The following FARP1 variants were observed in gnomAD, a reference collection of about 807,000 sequenced individuals.
FARP1 encodes the protein FERM, ARH/RhoGEF and pleckstrin domain protein 1.
FARP1 carries 52 observed loss-of-function variants against 128.8 expected under a neutral mutation model. The ratio of observed to expected loss-of-function variants is 0.40; its 90% CI spans 0.32 to 0.51. The LOEUF is 0.51. Ranked by LOEUF, FARP1 falls within the 20% of genes least tolerant of loss-of-function variation. The probability of loss-of-function intolerance (pLI) is 0.45; values close to 1 mark genes in which losing one functional copy is unlikely to be tolerated. For missense variants in FARP1, 1,333 were observed against 1,367.9 expected, an observed-to-expected ratio of 0.97 and a Z score of 0.40; for synonymous variants, 580 against 551.8, an observed-to-expected ratio of 1.05 and a Z score of -0.72.
At chr13:98,426,705 A>G (rs916763654) in intron 17 of FARP1, among the ~76,000 whole-genome samples, 2 of 152,190 alleles carry the variant, frequency 1.3e-5, no homozygotes, top group African/African-American at 4.8e-5. Context: ...ATTTGAGGCA[A>G]TACCAGAGAG....
chr13:98,363,763 A>T lies in FARP1; in HGVS notation c.277-1632A>T, dbSNP rs188640871. Among the ~76,000 whole-genome samples the T allele has an allele frequency of 3.7e-3, 563 of 151,882 alleles. 2 individuals are homozygous for T. Among genetic ancestry groups the T allele is most frequent in the Non-Finnish European group, 4.2e-3 (288 of 68,008 alleles). The stretch of plus-strand genomic sequence containing the variant: ...TTATTTATTTCTTTCTTTTTTCAAG[A>T]CAGAGTCTCGCTCTGTCCCCCAGGC... On this transcript the variant is annotated intron_variant, in intron 3 of 26. Coordinates refer to ENST00000319562, the MANE Select transcript of FARP1 (RefSeq NM_005766.4).
intron 2 of FARP1, among the ~76,000 whole-genome samples, chr13:98,339,845 G>A (rs189312264): frequency 1.1e-4 from 17 of 152,312 alleles, no homozygotes; most frequent in Non-Finnish European, 2.4e-4. Context: ...AATGCAGCTA[G>A]TTAATCATCA....
chr13:98,202,707 C>T (rs1880026153), intron 1 of FARP1, among the ~76,000 whole-genome samples: 2 of 151,822 alleles, frequency 1.3e-5, no homozygotes, highest in African/African-American at 4.8e-5. Flanking sequence ...GAAACATAGT[C>T]TTCTTAATTA....
At chr13:98,163,487 C>T (rs1251064534) in intron 1 of FARP1, among the ~76,000 whole-genome samples, 1 of 151,874 alleles carries the variant, frequency 6.6e-6, no homozygotes, top group Non-Finnish European at 1.5e-5. Context: ...TGCCCCTCCC[C>T]TTCAAATCCC....
intron 4 of FARP1, among the ~76,000 whole-genome samples, chr13:98,366,035 T>A (rs1445989839): frequency 6.6e-6 from 1 of 152,110 alleles, no homozygotes; most frequent in Admixed American, 6.5e-5. Context: ...GAATGCTTCC[T>A]TTTTCTCTCT....
chr13:98,415,422 T>G (rs7984243), intron 16 of FARP1, among the ~76,000 whole-genome samples: 22,772 of 152,152 alleles, frequency 0.15, 2,618 homozygotes, highest in East Asian at 0.31. Flanking sequence ...AAGCAATGCA[T>G]GAAGGAATAT....
intron 2 of FARP1, among the ~76,000 whole-genome samples, chr13:98,247,251 T>G (rs1166046999): frequency 6.6e-6 from 1 of 152,032 alleles, no homozygotes; most frequent in Non-Finnish European, 1.5e-5. Context: ...AAAAAAAAAG[T>G]AGCTGTTCCT....
At chr13:98,396,688 G>A (rs1281964440) in intron 13 of FARP1, 1 of 391,492 alleles carries the variant, frequency 2.6e-6, no homozygotes, top group African/African-American at 2.1e-5. Flanking sequence ...TAAGTGGCTT[G>A]CTTTCCAGAA....
In FARP1 at chr13:98,198,119, ATCTC is replaced by A. The variant is rs1043231636; in HGVS notation, c.-23-15097_-23-15094del. On this transcript the variant is annotated intron_variant, in intron 1 of 26. Transcript: ENST00000319562. Reference sequence around the variant, plus strand: ...TCTCCTGAACTCAAGGAGGCAAGTTATCTCTCTGATAAGGACCTCAGCAATCAGC... The same window carrying A: ...TCTCCTGAACTCAAGGAGGCAAGTTATCTGATAAGGACCTCAGCAATCAGC... Among the ~76,000 whole-genome samples, 80 of 152,310 alleles carry A rather than the reference ATCTC, an allele frequency of 5.3e-4. 2 individuals carry two copies. The highest frequency in any genetic ancestry group is 1.8e-3 in the African/African-American group (74 of 41,566).
intron 2 of FARP1, among the ~76,000 whole-genome samples, chr13:98,272,285 C>A (rs1183453678): frequency 6.6e-6 from 1 of 152,198 alleles, no homozygotes; most frequent in Non-Finnish European, 1.5e-5. Context: ...CCACCTCACC[C>A]TCCCAAAGTG....
intron 3 of FARP1, among the ~76,000 whole-genome samples, chr13:98,358,388 T>C (rs1888725519): frequency 6.6e-6 from 1 of 152,092 alleles, no homozygotes; most frequent in Non-Finnish European, 1.5e-5. Flanking sequence ...GTGTACCATG[T>C]TTTCAGATCT....
intron 2 of FARP1, among the ~76,000 whole-genome samples, chr13:98,301,597 T>G (rs1885927513): frequency 6.6e-6 from 1 of 152,208 alleles, no homozygotes; most frequent in South Asian, 2.1e-4. Context: ...TGTTGAAAGC[T>G]CAGCGTTTTC....
At chr13:98,418,282 GT>G (rs561100341) in intron 16 of FARP1, among the ~76,000 whole-genome samples, 8 of 141,368 alleles carry the variant, frequency 5.7e-5, no homozygotes, top group Admixed American at 7.0e-5. Context: ...TTTGTTTTTT[GT>G]TTTTTTTTTG....
intron 2 of FARP1, among the ~76,000 whole-genome samples, chr13:98,331,378 G>A (rs1218932731): frequency 2.0e-5 from 3 of 152,016 alleles, no homozygotes; most frequent in African/African-American, 4.8e-5. Flanking sequence ...TTTCTTAGTC[G>A]TTTCCTCATT....
intron 1 of FARP1, among the ~76,000 whole-genome samples, chr13:98,169,886 A>G (rs1486722319): frequency 6.6e-6 from 1 of 152,084 alleles, no homozygotes; most frequent in Non-Finnish European, 1.5e-5. Context: ...TTTCAAAAAA[A>G]AATTCTTCTA....
chr13:98,319,526 A>G (rs552909402), intron 2 of FARP1, among the ~76,000 whole-genome samples: 3 of 152,302 alleles, frequency 2.0e-5, no homozygotes, highest in South Asian at 2.1e-4. Context: ...CGGCTGAGGC[A>G]GGAGAATGGT....
rs568958002 is a variant in FARP1, at chr13:98,451,309, C to T, written c.*2992C>T. The T allele has an allele frequency of 6.6e-6, 1 of 152,300 alleles. No individual in the cohort carries two copies. The highest frequency in any genetic ancestry group is 2.1e-4 in the South Asian group (1 of 4,822). 9.4% of individuals were successfully genotyped at this position (152,300 alleles called of 1,614,324 possible). A position where few individuals can be genotyped will look rare whatever the true frequency, so the allele number is the denominator to read the frequency against. Reference sequence around the variant, plus strand: ...ATGCCGCCGGCCTCACGTAAGGAAACAGTTCCCCACACAGAATACTCCCTG... The same window carrying T: ...ATGCCGCCGGCCTCACGTAAGGAAATAGTTCCCCACACAGAATACTCCCTG... On this transcript the variant is annotated 3_prime_UTR_variant, in exon 27 of 27. Coordinates refer to ENST00000319562, the MANE Select transcript of FARP1 (RefSeq NM_005766.4).
chr13:98,176,271 C>T lies in FARP1; in HGVS notation c.-24+32779C>T. The T allele has an allele frequency of 1.2e-6, 2 of 1,611,610 alleles. No homozygotes were observed. The highest frequency in any genetic ancestry group is 1.1e-5 in the South Asian group (1 of 90,808). ...CATGGGGGTCTTCTGTGAAATGGGA[C>T]TTGCCCCCACCTTCTGCAGCCTGAA... On this transcript the variant is annotated intron_variant, in intron 1 of 26. Coordinates refer to ENST00000319562, the MANE Select transcript of FARP1 (RefSeq NM_005766.4). This position sits in a 1 kb window ranked among gnomAD's most constrained non-coding sequence, Gnocchi z 6.2.
intron 2 of FARP1, among the ~76,000 whole-genome samples, chr13:98,312,782 C>T (rs548539581): frequency 2.0e-5 from 3 of 152,278 alleles, no homozygotes; most frequent in African/African-American, 7.2e-5. Flanking sequence ...GCGGCGTTTT[C>T]TTGAGTCACT....
Sources: gnomAD v4.1 joint callset for allele counts (sites outside exome capture counted in the v4.1 genomes callset) on GRCh38, gnomAD v4.1.1 for gene constraint, Gnocchi (gnomAD v3.1) non-coding constraint, MANE v1.5 for transcripts, NCBI Gene and HGNC (gene_info 2026-07-23, HGNC 2026-07-21) for gene names.